The following HPD variants were observed in gnomAD, a reference collection of about 807,000 sequenced individuals.
HPD encodes 4-hydroxyphenylpyruvic acid oxidase.
Under a neutral mutation model 56.9 loss-of-function variants are expected in HPD, and 35 were observed. The observed-to-expected ratio is 0.62, with a 90% CI of 0.47 to 0.82. The LOEUF (loss-of-function observed/expected upper bound fraction) is 0.82. Ranked by LOEUF, HPD falls within the 40% of genes least tolerant of loss-of-function variation. HPD has a pLI of 0.00. For synonymous variants in HPD, 186 were observed against 200.2 expected (o/e 0.93, Z 0.60); for missense variants, 442 against 506.8 (o/e 0.87, Z 1.23).
chr12:121,863,450 G>A (rs540882421), upstream of HPD: 1 of 152,370 alleles, frequency 6.6e-6, no homozygotes, highest in Admixed American at 6.5e-5. Context: ...CGTTGTGTCT[G>A]ACTTTCTCAA....
At chr12:121,842,404 TA>T (rs1453370069) in intron 12 of HPD, among the ~76,000 whole-genome samples, 2 of 152,168 alleles carry the variant, frequency 1.3e-5, no homozygotes, top group East Asian at 3.9e-4. Context: ...ATGCTGGGAT[TA>T]TAGGTGTGAG....
the HPD span, among the ~76,000 whole-genome samples, chr12:121,873,087 C>T: frequency 1.3e-5 from 2 of 152,264 alleles, no homozygotes; most frequent in Middle Eastern, 3.4e-3. Flanking sequence ...GTCTGTTCCA[C>T]AGGGAGGTAG....
chr12:121,843,685 G>A (rs778430757), intron 12 of HPD, 25 bp downstream of exon 12: 2 of 1,613,604 alleles, frequency 1.2e-6, no homozygotes, highest in South Asian at 1.1e-5. Context: ...CCCCCACAAG[G>A]CTGCGGATCC....
At chr12:121,879,146 G>A in the HPD span, among the ~76,000 whole-genome samples, 413 of 152,142 alleles carry the variant, frequency 2.7e-3, 1 homozygote, top group African/African-American at 9.3e-3. Context: ...TTAGCCAGGC[G>A]TGGTGGTGGG....
intron 12 of HPD, among the ~76,000 whole-genome samples, chr12:121,843,274 G>A (rs1035770175): frequency 1.3e-5 from 2 of 152,118 alleles, no homozygotes; most frequent in African/African-American, 2.4e-5. Flanking sequence ...CTAGGTCATC[G>A]CTCAAAAACA....
At chr12:121,878,665 G>A in the HPD span, among the ~76,000 whole-genome samples, 4 of 149,076 alleles carry the variant, frequency 2.7e-5, no homozygotes, top group African/African-American at 1.0e-4. Flanking sequence ...TATGTGTTTT[G>A]GTTTTTCGTT....
At chr12:121,875,553 G>A in the HPD span, among the ~76,000 whole-genome samples, 2 of 151,390 alleles carry the variant, frequency 1.3e-5, no homozygotes, top group South Asian at 2.1e-4. Flanking sequence ...AGCCTCCCAA[G>A]TAGCTGGAAT....
chr12:121,865,591 AG>A (rs200871516), upstream of HPD, among the ~76,000 whole-genome samples: 63 of 149,338 alleles, frequency 4.2e-4, no homozygotes, highest in African/African-American at 6.9e-4. Flanking sequence ...TTCAAAAAAA[AG>A]GAAAAAAAAA....
intron 9 of HPD, among the ~76,000 whole-genome samples, 172 bp from the exon 10 acceptor site, chr12:121,847,386 G>A (rs1877623814): frequency 6.6e-6 from 1 of 152,122 alleles, no homozygotes; most frequent in African/African-American, 2.4e-5. Flanking sequence ...GCTCGAGACA[G>A]AGTCTCACTC....
chr12:121,873,200 C>A, the HPD span, among the ~76,000 whole-genome samples: 2 of 152,146 alleles, frequency 1.3e-5, no homozygotes, highest in African/African-American at 4.8e-5. Context: ...ACATTGCATC[C>A]CTGTGGTAGA....
Position 121,839,702 on chromosome 12 carries a change from T to C in HPD, c.*26A>G, listed in dbSNP as rs562851478. 9.3e-6 allele frequency: 14 copies of C among 1,510,496 alleles called. No individual in the cohort carries two copies. In the South Asian group the frequency reaches 1.5e-4, roughly 16 times the overall value. The allele number at this position is 1,510,496 out of a possible 1,614,324, so 93.6% of individuals were successfully genotyped here. On this transcript the variant is annotated 3_prime_UTR_variant, in exon 14 of 14. Transcript: ENST00000289004. ...GAATCAGGGGGCGTGGCTGTGTGGC[T>C]GTGGCCTCCGTGGGGTGGGCGGGGC...
At chr12:121,883,138 G>A in the HPD span, among the ~76,000 whole-genome samples, 2 of 150,216 alleles carry the variant, frequency 1.3e-5, no homozygotes, top group East Asian at 4.0e-4. Flanking sequence ...AGCAAAAAAC[G>A]TGCCAGAAAC....
chr12:121,840,534 A>G (rs1592914161), intron 12 of HPD, among the ~76,000 whole-genome samples: 1 of 151,988 alleles, frequency 6.6e-6, no homozygotes, highest in Non-Finnish European at 1.5e-5. Context: ...TCCTGACCTC[A>G]GGTGATCCAC....
Position 121,839,986 on chromosome 12 carries a change from C to A in HPD, c.1017G>T (p.Pro339=), listed in dbSNP as rs750266795. ...GGAAGAGCGTGGGCCGGTCCTGCACCGGTTTGGTGAAGATCTGCAGGAGGT... is the reference window on the plus strand; with the variant it reads ...GGAAGAGCGTGGGCCGGTCCTGCACAGGTTTGGTGAAGATCTGCAGGAGGT... ...KGYLLQIFTK[P]VQDRPTLFLE... is the part of the protein sequence containing the mutation. Residue 339 remains proline (P), a synonymous_variant, in exon 13 of 14, where the codon CCG becomes CCT. Transcript: ENST00000289004. The A allele has an allele frequency of 1.9e-6, 3 of 1,613,926 alleles. No individual in the cohort carries two copies. The Admixed American group carries it at 5.0e-5, about 27-fold the overall frequency.
At position 121,853,805 on chromosome 12, in the gene HPD, GT is replaced by G. The variant is rs1405805980; in HGVS notation, c.414+897del. On this transcript the variant is annotated intron_variant, in intron 7 of 13. Coordinates refer to ENST00000289004, the MANE Select transcript of HPD (RefSeq NM_002150.3). ...CTAAAAACACAAAAATTAGCCGTGT[GT>G]GCGGGTGGATGCCTGTAATCCCCAG... Among the ~76,000 whole-genome samples, 7 of 151,616 alleles carry G rather than the reference GT, an allele frequency of 4.6e-5. No individual in the cohort carries two copies. In the East Asian group the frequency reaches 1.4e-3, roughly 29 times the overall value.
the HPD span, among the ~76,000 whole-genome samples, chr12:121,888,309 A>G: frequency 6.6e-6 from 1 of 152,162 alleles, no homozygotes; most frequent in Non-Finnish European, 1.5e-5. Context: ...CAGATGAGGA[A>G]ACTGAGGCCC....
chr12:121,866,113 C>T (rs754661735), upstream of HPD, among the ~76,000 whole-genome samples: 2 of 151,908 alleles, frequency 1.3e-5, no homozygotes, highest in Non-Finnish European at 2.9e-5. Flanking sequence ...CTGGCTAACA[C>T]GGTGAAACCC....
Position 121,847,160 on chromosome 12 carries a change from C to A in HPD, c.651G>T (p.Val217=), listed in dbSNP as rs1223177274. 1.2e-6 allele frequency: 2 copies of A among 1,614,000 alleles called. No homozygotes were observed. Among genetic ancestry groups the A allele is most frequent in the Non-Finnish European group, 1.7e-6 (2 of 1,179,998 alleles). The stretch of plus-strand genomic sequence containing the variant: ...ATCGCAGAGAGCTATATTCCGTGTG[C>A]ACCTGCGTGTCATCCACGGACCAGA... The part of the protein sequence containing the change: ...HRFWSVDDTQ[V]HTEYSSLRSI... Residue 217 remains valine (V), a synonymous_variant, in exon 10 of 14, where the codon GTG becomes GTT. Transcript: ENST00000289004.
upstream of HPD, among the ~76,000 whole-genome samples, chr12:121,867,222 C>G (rs939508071): frequency 6.6e-6 from 1 of 151,786 alleles, no homozygotes; most frequent in East Asian, 2.0e-4. Context: ...TATGGTGGCA[C>G]GCATCTGTAG....
Sources: allele counts gnomAD v4.1 joint callset (sites outside exome capture counted in the v4.1 genomes callset), GRCh38; gene constraint gnomAD v4.1.1; transcripts MANE v1.5; gene names NCBI Gene and HGNC (gene_info 2026-07-23, HGNC 2026-07-21).